LAMA1: variants seen among roughly 807,000 people sequenced by gnomAD.
The protein encoded by LAMA1 is laminin subunit alpha 1, also known as laminin subunit alpha-1.
Under a neutral mutation model 348.7 loss-of-function variants are expected in LAMA1, and 219 were observed. That is an observed-to-expected ratio of 0.63 (90% CI 0.56 to 0.70). The LOEUF is 0.70. Ranked by LOEUF, LAMA1 falls within the 30% of genes least tolerant of loss-of-function variation. LAMA1 has a pLI of 0.00. For missense variants in LAMA1, 3,744 were observed against 3,888.0 expected (o/e 0.96, Z 0.99); for synonymous variants, 1,487 against 1,491.0 (o/e 1.00, Z 0.06).
At chr18:6,971,779 G>T (rs1450897248) in intron 48 of LAMA1, 78 bp downstream of exon 48, 1 of 1,587,250 alleles carries the variant, frequency 6.3e-7, no homozygotes, top group Non-Finnish European at 8.6e-7. Flanking sequence ...TGACGTGCAT[G>T]TATTAATACA....
At chr18:6,948,959 C>T (rs1304987559) in intron 59 of LAMA1, 142 bp downstream of exon 59, 5 of 1,071,666 alleles carry the variant, frequency 4.7e-6, no homozygotes, top group East Asian at 5.2e-5. Flanking sequence ...GATCTGTGGA[C>T]ATGCCTGCAA....
chr18:6,961,489 C>A (rs747481799), intron 53 of LAMA1, 97 bp downstream of exon 53: 4 of 1,416,734 alleles, frequency 2.8e-6, no homozygotes, highest in Non-Finnish European at 2.9e-6. Flanking sequence ...ACCAGGAACA[C>A]GGTGACAATA....
intron 3 of LAMA1, among the ~76,000 whole-genome samples, chr18:7,066,978 T>G (rs1218220620): frequency 6.6e-6 from 1 of 152,194 alleles, no homozygotes. Context: ...GGAAACACCT[T>G]AAGTGTCTCC....
chr18:7,094,153 G>T (rs1404086419), intron 1 of LAMA1, among the ~76,000 whole-genome samples: 2 of 152,050 alleles, frequency 1.3e-5, no homozygotes, highest in East Asian at 3.9e-4. Context: ...AGTAGGTCTG[G>T]AGTGGGGCTG....
At chr18:6,979,375 GA>G (rs1023913769) in intron 42 of LAMA1, among the ~76,000 whole-genome samples, 4 of 151,836 alleles carry the variant, frequency 2.6e-5, no homozygotes, top group Non-Finnish European at 5.9e-5. Flanking sequence ...TGCTTATTAA[GA>G]AAAAAAGGAG....
intron 46 of LAMA1, 78 bp from the exon 47 acceptor site, chr18:6,973,285 C>T: frequency 7.4e-7 from 1 of 1,350,100 alleles, no homozygotes. Context: ...TCCTTCACAC[C>T]CACCATCTGC....
intron 61 of LAMA1, among the ~76,000 whole-genome samples, chr18:6,943,625 G>C (rs1325780117): frequency 6.6e-6 from 1 of 152,012 alleles, no homozygotes; most frequent in Non-Finnish European, 1.5e-5. Flanking sequence ...GAGGCAGGCG[G>C]ATCACCTGAG....
chr18:7,015,932 T>C (rs1056068131), intron 21 of LAMA1, 74 bp from the exon 22 acceptor site: 1 of 1,571,002 alleles, frequency 6.4e-7, no homozygotes. Flanking sequence ...TGCTGTTATT[T>C]CCCTTTTATT....
intron 6 of LAMA1, among the ~76,000 whole-genome samples, chr18:7,045,264 G>T (rs1035092750): frequency 2.0e-5 from 3 of 151,978 alleles, no homozygotes; most frequent in African/African-American, 7.2e-5. Flanking sequence ...AAGGGAAGAT[G>T]CCAGGACCAG....
intron 1 of LAMA1, among the ~76,000 whole-genome samples, chr18:7,088,815 C>A (rs1443370367): frequency 4.6e-5 from 7 of 152,104 alleles, no homozygotes; most frequent in Non-Finnish European, 1.0e-4. Context: ...AGCCACAGTG[C>A]CTGCTGTCTA....
rs1486550856 is a variant in LAMA1, at chr18:7,050,889, T to C, written c.393A>G (p.Arg131=). 6.2e-7 allele frequency: 1 copy of C among 1,614,002 alleles called. No individual in the cohort carries two copies. Among genetic ancestry groups the C allele is most frequent in the Non-Finnish European group, 8.5e-7 (1 of 1,180,030 alleles). Residue 131 remains arginine, a synonymous_variant, in exon 4 of 63, where the codon CGA becomes CGG. Transcript: ENST00000389658. The part of the protein sequence containing the change: ...YVIIKAANAP[R]PGNWILERSL... ...AACGCTCCAAAATCCAGTTTCCAGG[T>C]CGAGGGGCATTGGCAGCTTTAATGA...
chr18:7,093,137 C>T (rs1299015958), intron 1 of LAMA1, among the ~76,000 whole-genome samples: 1 of 152,154 alleles, frequency 6.6e-6, no homozygotes. Context: ...CGTCAAATGG[C>T]GGGGCACAGT....
At position 6,950,938 on chromosome 18, in the gene LAMA1, G is replaced by T; in HGVS notation, c.8241C>A (p.Ala2747=). 1 of 1,614,136 alleles carries T rather than the reference G, an allele frequency of 6.2e-7. No homozygotes were observed. The highest frequency in any genetic ancestry group is 1.7e-5 in the Admixed American group (1 of 60,012). The change falls in exon 58 of 63, where the codon GCC becomes GCA. Residue 2747 remains alanine, a synonymous_variant. Transcript: ENST00000389658. ...LSVELSIRTF[A]SSGLIYYMAH... ...CCATGTAGTAAATCAGGCCGCTGGA[G>T]GCGAACGTGCGGATGCTTAGCTCAA...
At chr18:7,095,192 C>A (rs1057233759) in intron 1 of LAMA1, among the ~76,000 whole-genome samples, 91 of 144,496 alleles carry the variant, frequency 6.3e-4, no homozygotes, top group Non-Finnish European at 1.1e-3. Flanking sequence ...CAATTTGTTT[C>A]CTTTGATTTC....
chr18:7,047,803 G>A (rs1429508918), intron 5 of LAMA1, among the ~76,000 whole-genome samples: 2 of 151,734 alleles, frequency 1.3e-5, no homozygotes, highest in African/African-American at 4.8e-5. Flanking sequence ...AATGGTGCTA[G>A]AACAATTGCA....
In LAMA1 at chr18:7,017,153, TG is replaced by T. The variant is rs887906049; in HGVS notation, c.2808+124del. 7 of 796,430 alleles carry T rather than the reference TG, an allele frequency of 8.8e-6. No homozygotes were observed. In the African/African-American group the frequency reaches 1.0e-4, roughly 12 times the overall value. The allele number at this position is 796,430 out of a possible 1,614,324, so 49.3% of individuals were successfully genotyped here. On this transcript the variant is annotated intron_variant, in intron 20 of 62. Transcript: ENST00000389658. The stretch of plus-strand genomic sequence containing the variant: ...CCTTTGTTGATAAATTCCCCAGTCT[TG>T]GGTAGTATCTCTATAGCAGTGTGAG...
intron 19 of LAMA1, among the ~76,000 whole-genome samples, chr18:7,022,607 G>A (rs566784935): frequency 1.0e-3 from 153 of 152,242 alleles, no homozygotes; most frequent in Middle Eastern, 3.4e-3. Flanking sequence ...TCATCCCTCC[G>A]GCCAGGTCAT....
At chr18:7,085,703 C>T (rs901925915) in intron 1 of LAMA1, among the ~76,000 whole-genome samples, 7 of 152,152 alleles carry the variant, frequency 4.6e-5, no homozygotes, top group Admixed American at 6.5e-5. Flanking sequence ...CAGGCGTGAG[C>T]CACCGCTCCT....
chr18:6,955,096 T>C, intron 57 of LAMA1: 1 of 518,284 alleles, frequency 1.9e-6, no homozygotes, highest in Non-Finnish European at 3.5e-6. Context: ...ACACGCTTCC[T>C]TACATGCACA....
Sources: gnomAD v4.1 joint callset for allele counts (sites outside exome capture counted in the v4.1 genomes callset) on GRCh38, gnomAD v4.1.1 for gene constraint, MANE v1.5 for transcripts, NCBI Gene and HGNC (gene_info 2026-07-23, HGNC 2026-07-21) for gene names.